PAX2: variants seen among roughly 807,000 people sequenced by gnomAD.
The protein encoded by PAX2 is paired box 2, also known as paired box protein Pax-2.
A neutral mutation model predicts 41.7 loss-of-function variants in PAX2; 9 were observed. That is an observed-to-expected ratio of 0.22 (90% CI 0.13 to 0.38). The LOEUF (loss-of-function observed/expected upper bound fraction) is 0.38, where lower values mean the gene tolerates loss of function less well. Ranked by LOEUF, PAX2 falls within the 10% of genes least tolerant of loss-of-function variation. PAX2 has a pLI of 1.00. For missense variants in PAX2, 418 were observed against 531.6 expected (o/e 0.79, Z 2.10); for synonymous variants, 221 against 212.7 (o/e 1.04, Z -0.34).
At chr10:100,817,615 G>T (rs898083842) in intron 7 of PAX2, among the ~76,000 whole-genome samples, 1 of 152,188 alleles carries the variant, frequency 6.6e-6, no homozygotes, top group Admixed American at 6.5e-5. Context: ...GGGATTCAAG[G>T]TGGCAGTGGG....
At chr10:100,772,659 G>T (rs1429000656) in intron 3 of PAX2, among the ~76,000 whole-genome samples, 1 of 152,184 alleles carries the variant, frequency 6.6e-6, no homozygotes, top group Non-Finnish European at 1.5e-5. Context: ...TTTCTGCAAA[G>T]ACTCTAAAGT....
intron 3 of PAX2, among the ~76,000 whole-genome samples, chr10:100,751,628 CT>C (rs1175234244): frequency 6.6e-6 from 1 of 152,208 alleles, no homozygotes; most frequent in African/African-American, 2.4e-5. Flanking sequence ...GCTGAGTCAG[CT>C]TGACGTGTAG....
intron 3 of PAX2, among the ~76,000 whole-genome samples, chr10:100,778,794 CAAGT>C (rs1490778955): frequency 1.3e-5 from 2 of 152,100 alleles, no homozygotes; most frequent in Non-Finnish European, 2.9e-5. Flanking sequence ...CGCTGCAATC[CAAGT>C]AAGAACCTCA....
chr10:100,798,154 C>T (rs957149460), intron 5 of PAX2, among the ~76,000 whole-genome samples: 1 of 133,384 alleles, frequency 7.5e-6, no homozygotes, highest in Non-Finnish European at 1.5e-5. Context: ...CTCACTCTGT[C>T]TCCCAGGCTG....
intron 7 of PAX2, among the ~76,000 whole-genome samples, chr10:100,816,575 C>T (rs1247649565): frequency 6.6e-6 from 1 of 152,186 alleles, no homozygotes; most frequent in East Asian, 1.9e-4. Flanking sequence ...CTAGGCAAGA[C>T]CTGAAAACCT....
At chr10:100,815,175 A>C (rs1848145990) in intron 7 of PAX2, among the ~76,000 whole-genome samples, 1 of 152,160 alleles carries the variant, frequency 6.6e-6, no homozygotes, top group African/African-American at 2.4e-5. Flanking sequence ...CTTCCAATGC[A>C]ACTGCATTTC....
At chr10:100,742,964 T>C (rs1845023799), upstream of PAX2, among the ~76,000 whole-genome samples, 1 of 140,510 alleles carries the variant, frequency 7.1e-6, no homozygotes, top group Non-Finnish European at 1.5e-5. Flanking sequence ...GAGCGGCCAG[T>C]GACTGGATGA....
In PAX2 at chr10:100,824,636, G is replaced by A. The variant is rs775815946; in HGVS notation, c.920-12G>A. On this transcript the variant is annotated splice_polypyrimidine_tract_variant and intron_variant, in intron 7 of 9. Coordinates refer to ENST00000355243, the MANE Select transcript of PAX2 (RefSeq NM_000278.5). This position sits in a 1 kb window ranked among gnomAD's most constrained non-coding sequence, Gnocchi z 6.6. ...TTCCAGGCCTCACCCCTTCCCCTTT[G>A]TGTTTTTCCAGGTCGTGACATGGCG... is the stretch of plus-strand genomic sequence containing the variant. The A allele has an allele frequency of 8.0e-5, 127 of 1,578,192 alleles. No individual in the cohort carries two copies. In the Admixed American group the frequency reaches 2.0e-3, roughly 25 times the overall value.
intron 3 of PAX2, among the ~76,000 whole-genome samples, chr10:100,773,745 G>GC (rs1422674423): frequency 3.3e-5 from 5 of 152,084 alleles, no homozygotes; most frequent in East Asian, 1.9e-4. Flanking sequence ...GGCTGCCCCG[G>GC]CCCCCCAGGT....
intron 5 of PAX2, among the ~76,000 whole-genome samples, chr10:100,795,384 G>A (rs903265490): frequency 2.0e-5 from 3 of 152,124 alleles, no homozygotes; most frequent in Admixed American, 6.5e-5. Flanking sequence ...GATGAATGCC[G>A]TGATCAAGGC....
At chr10:100,740,555 G>A (rs751218185) in intron 1 of PAX2, among the ~76,000 whole-genome samples, 18 of 152,210 alleles carry the variant, frequency 1.2e-4, no homozygotes, top group South Asian at 4.1e-4. Context: ...TTACCTCTTT[G>A]TGAAAGGGTA....
intron 3 of PAX2, among the ~76,000 whole-genome samples, chr10:100,755,210 A>G (rs1309925495): frequency 2.6e-5 from 4 of 152,162 alleles, no homozygotes; most frequent in South Asian, 4.1e-4. Context: ...TTGTTTTTGT[A>G]GTTGTTTTAG....
Position 100,746,156 on chromosome 10 carries a change from C to T in PAX2, c.-105C>T, listed in dbSNP as rs2133823226. On this transcript the variant is annotated 5_prime_UTR_variant, in exon 1 of 10. Transcript: ENST00000355243. ...CCGCAGCAGCCGGGCGTTCACTCAT[C>T]CTCCCTCCCCCACCGTCCCTCCCTT... 6 of 1,571,602 alleles carry T rather than the reference C, an allele frequency of 3.8e-6. No homozygotes were observed. Among genetic ancestry groups the T allele is most frequent in the Non-Finnish European group, 4.3e-6 (5 of 1,155,046 alleles).
upstream of PAX2, among the ~76,000 whole-genome samples, chr10:100,742,906 T>A: frequency 8.2e-6 from 1 of 121,988 alleles, no homozygotes; most frequent in Admixed American, 1.0e-4. Flanking sequence ...CCCCCACCCC[T>A]CTACTAGACT....
intron 5 of PAX2, among the ~76,000 whole-genome samples, chr10:100,795,969 TTTTC>T (rs753926912): frequency 2.0e-5 from 3 of 152,226 alleles, no homozygotes; most frequent in Non-Finnish European, 4.4e-5. Flanking sequence ...CCTGCCTTTC[TTTTC>T]TTTCTTTCTC....
chr10:100,827,659 C>T lies in PAX2; in HGVS notation c.*40C>T. 2 of 1,613,718 alleles carry T rather than the reference C, an allele frequency of 1.2e-6. No individual in the cohort carries two copies. The highest frequency in any genetic ancestry group is 1.7e-6 in the Non-Finnish European group (2 of 1,179,876). Reference sequence around the variant, plus strand: ...ACATCAAGCTTCAGGCCGACAGCTTCGGCCTCCACATCGTCCCCGTCTGAC... The same window carrying T: ...ACATCAAGCTTCAGGCCGACAGCTTTGGCCTCCACATCGTCCCCGTCTGAC... On this transcript the variant is annotated 3_prime_UTR_variant, in exon 10 of 10. Coordinates refer to ENST00000355243, the MANE Select transcript of PAX2 (RefSeq NM_000278.5). This position sits in a 1 kb window ranked among gnomAD's most constrained non-coding sequence, Gnocchi z 8.5.
intron 2 of PAX2, 86 bp downstream of exon 2, chr10:100,750,000 G>C (rs112418495): frequency 6.7e-7 from 1 of 1,483,408 alleles, no homozygotes; most frequent in Non-Finnish European, 9.2e-7. Flanking sequence ...GTGGCTAAAA[G>C]TCCAGCGTGC....
chr10:100,786,114 T>G (rs1039071206), intron 5 of PAX2, among the ~76,000 whole-genome samples: 1 of 152,230 alleles, frequency 6.6e-6, no homozygotes, highest in Non-Finnish European at 1.5e-5. Flanking sequence ...AGAAATTTAT[T>G]TGGGCATAGG....
At chr10:100,777,698 A>C (rs553246981) in intron 3 of PAX2, among the ~76,000 whole-genome samples, 1 of 152,240 alleles carries the variant, frequency 6.6e-6, no homozygotes, top group Non-Finnish European at 1.5e-5. Flanking sequence ...CCCAGCCAGT[A>C]GTGTGATCTT....
Sources: allele counts gnomAD v4.1 joint callset (sites outside exome capture counted in the v4.1 genomes callset), GRCh38; gene constraint gnomAD v4.1.1; non-coding constraint Gnocchi (gnomAD v3.1); transcripts MANE v1.5; gene names NCBI Gene and HGNC (gene_info 2026-07-23, HGNC 2026-07-21).